Variants in PLCE1 observed in about 807,000 individuals in gnomAD.
PLCE1 encodes phospholipase C epsilon 1.
In PLCE1, 119 loss-of-function variants were observed where a neutral mutation model predicts 242.8. That is an observed-to-expected ratio of 0.49 (90% CI 0.42 to 0.57). PLCE1 has a LOEUF of 0.57. PLCE1 is among the 20% of genes least tolerant of loss of function. The probability of loss-of-function intolerance (pLI) is 0.00; values close to 1 mark genes in which losing one functional copy is unlikely to be tolerated. For missense variants in PLCE1, 2,441 were observed against 2,788.8 expected (o/e 0.88, Z 2.81); for synonymous variants, 945 against 1,017.4 (o/e 0.93, Z 1.35).
chr10:94,321,643 A>AAAAC (rs1351321107), intron 29 of PLCE1, among the ~76,000 whole-genome samples: 2 of 151,932 alleles, frequency 1.3e-5, no homozygotes, highest in Non-Finnish European at 2.9e-5. Flanking sequence ...AAAAAAAAAA[A>AAAAC]AAACCCACAG....
intron 3 of PLCE1, among the ~76,000 whole-genome samples, chr10:94,152,814 T>TA (rs2136127772): frequency 6.6e-6 from 1 of 152,314 alleles, no homozygotes; most frequent in African/African-American, 2.4e-5. Flanking sequence ...TCCAAGTCCA[T>TA]ATGTGTTTTT....
intron 2 of PLCE1, among the ~76,000 whole-genome samples, chr10:94,046,373 G>C (rs1371287506): frequency 2.0e-5 from 3 of 152,222 alleles, no homozygotes; most frequent in Admixed American, 6.5e-5. Flanking sequence ...GGAGGGGCCA[G>C]ACCTGGCCCA....
At chr10:94,009,865 A>G (rs1002060360) in intron 1 of PLCE1, among the ~76,000 whole-genome samples, 1 of 152,196 alleles carries the variant, frequency 6.6e-6, no homozygotes, top group Non-Finnish European at 1.5e-5. Context: ...GGAGTCTGCT[A>G]TCTGTATCTT....
intron 3 of PLCE1, among the ~76,000 whole-genome samples, chr10:94,162,454 A>G (rs2047648435): frequency 6.6e-6 from 1 of 152,180 alleles, no homozygotes; most frequent in Admixed American, 6.5e-5. Flanking sequence ...AGAGGTGTTT[A>G]TAGTATTCTC....
In PLCE1 at chr10:94,220,376, T is replaced by TTATATATATATA. The variant is rs59633337; in HGVS notation, c.1810-6898_1810-6887dup. Among the ~76,000 whole-genome samples the TTATATATATATA allele has an allele frequency of 9.4e-3, 578 of 61,810 alleles. 38 individuals carry two copies. Among genetic ancestry groups the TTATATATATATA allele is most frequent in the East Asian group, 0.013 (9 of 670 alleles). 40.5% of individuals were successfully genotyped at this position (61,810 alleles called of 152,430 possible). On this transcript the variant is annotated intron_variant, in intron 4 of 32. Coordinates refer to ENST00000371380, the MANE Select transcript of PLCE1 (RefSeq NM_016341.4). ...AATAAAAGCTTAAAAACTAAACATT[T>TTATATATATATA]TATATATATATATATATATATATAT...
chr10:94,327,634 G>A (rs2054076736), intron 32 of PLCE1, among the ~76,000 whole-genome samples: 1 of 152,130 alleles, frequency 6.6e-6, no homozygotes, highest in Non-Finnish European at 1.5e-5. Context: ...ATAATCTACA[G>A]ATTTTTAAAG....
chr10:94,283,501 G>A (rs528800298), intron 20 of PLCE1: 17 of 344,074 alleles, frequency 4.9e-5, no homozygotes, highest in South Asian at 3.8e-4. Context: ...ATGAAAATTG[G>A]CATCTTCATT....
At chr10:94,079,841 G>T (rs1289598400) in intron 2 of PLCE1, among the ~76,000 whole-genome samples, 2 of 152,128 alleles carry the variant, frequency 1.3e-5, no homozygotes, top group Admixed American at 6.5e-5. Flanking sequence ...AGCTCTCGAG[G>T]TTTCTCCAAA....
intron 2 of PLCE1, among the ~76,000 whole-genome samples, chr10:94,125,544 C>T (rs1468391701): frequency 1.3e-5 from 2 of 152,092 alleles, no homozygotes; most frequent in Non-Finnish European, 2.9e-5. Context: ...AGACACCTAG[C>T]GCCTTATTTT....
chr10:94,173,546 A>C (rs566120549), intron 4 of PLCE1, among the ~76,000 whole-genome samples: 1 of 152,336 alleles, frequency 6.6e-6, no homozygotes, highest in East Asian at 1.9e-4. Context: ...CTTTATTTTT[A>C]AATTTCGACC....
intron 1 of PLCE1, among the ~76,000 whole-genome samples, chr10:94,029,342 C>G (rs2061511502): frequency 6.6e-6 from 1 of 152,106 alleles, no homozygotes; most frequent in Non-Finnish European, 1.5e-5. Flanking sequence ...TCTATATAAT[C>G]TTGACCTGAA....
At chr10:94,039,574 C>A (rs2061728514) in intron 2 of PLCE1, among the ~76,000 whole-genome samples, 1 of 151,988 alleles carries the variant, frequency 6.6e-6, no homozygotes. Flanking sequence ...TTAGTAGAGA[C>A]AGGGTGTCAC....
intron 3 of PLCE1, among the ~76,000 whole-genome samples, chr10:94,147,713 A>G (rs1037279844): frequency 5.9e-5 from 9 of 152,236 alleles, no homozygotes; most frequent in African/African-American, 2.2e-4. Flanking sequence ...CAGAGCAGCT[A>G]AGAACCAAGC....
intron 19 of PLCE1, among the ~76,000 whole-genome samples, chr10:94,277,600 T>C (rs958835459): frequency 3.9e-5 from 6 of 152,188 alleles, no homozygotes; most frequent in South Asian, 4.1e-4. Flanking sequence ...CAGTGGGGTC[T>C]GTCCAGCCCT....
chr10:94,294,970 C>T (rs990392193), intron 23 of PLCE1, among the ~76,000 whole-genome samples: 1 of 134,200 alleles, frequency 7.5e-6, no homozygotes, highest in Non-Finnish European at 1.5e-5. Context: ...GGCTGGAGTG[C>T]GGTGGCAAGA....
chr10:94,035,145 C>T (rs1268113899), intron 2 of PLCE1, among the ~76,000 whole-genome samples: 4 of 152,158 alleles, frequency 2.6e-5, no homozygotes, highest in African/African-American at 4.8e-5. Context: ...CTGAGAGCAA[C>T]GTGTCATCTT....
chr10:94,215,336 A>G (rs544388961), intron 4 of PLCE1, among the ~76,000 whole-genome samples: 6 of 152,316 alleles, frequency 3.9e-5, no homozygotes, highest in African/African-American at 1.4e-4. Context: ...GTTGTCAAAC[A>G]CCTCTCACTT....
chr10:94,037,822 G>A (rs191405564), intron 2 of PLCE1, among the ~76,000 whole-genome samples: 1 of 152,202 alleles, frequency 6.6e-6, no homozygotes, highest in East Asian at 1.9e-4. Flanking sequence ...GATTTGGTAA[G>A]AGCGGGAATG....
At chr10:94,094,234 C>T (rs527461674) in intron 2 of PLCE1, among the ~76,000 whole-genome samples, 9 of 152,258 alleles carry the variant, frequency 5.9e-5, no homozygotes, top group East Asian at 1.9e-4. Context: ...AGCCACCGCG[C>T]CCGGCCTCGG....
Sources: allele counts gnomAD v4.1 joint callset (sites outside exome capture counted in the v4.1 genomes callset), GRCh38; gene constraint gnomAD v4.1.1; transcripts MANE v1.5; gene names NCBI Gene and HGNC (gene_info 2026-07-23, HGNC 2026-07-21).